Variants in EP400 observed in about 807,000 individuals in gnomAD.
The protein encoded by EP400 is E1A binding protein p400.
EP400 carries 105 observed loss-of-function variants against 354.1 expected under a neutral mutation model. The observed-to-expected ratio is 0.30, with a 90% CI of 0.25 to 0.35. EP400 has a LOEUF of 0.35. Among genes scored for constraint, EP400 ranks in the 10% least tolerant of loss-of-function variants. EP400 has a pLI of 1.00. For missense variants in EP400, 3,280 were observed against 4,121.0 expected, an observed-to-expected ratio of 0.80 and a Z score of 5.59; for synonymous variants, 1,646 against 1,716.9, an observed-to-expected ratio of 0.96 and a Z score of 1.02.
rs755716195 is a variant in EP400, at chr12:131,986,609, C to T, written c.2025C>T (p.Gly675=). Residue 675 remains glycine (G), a synonymous_variant, in exon 6 of 53, where the codon GGC becomes GGT. Transcript: ENST00000389561. Reference sequence around the variant, plus strand: ...CCTCGTCCCTCGCGCCTGTGAGTGGCTCCGGCCCAGGACCCTCCCCTGCTC... The same window carrying T: ...CCTCGTCCCTCGCGCCTGTGAGTGGTTCCGGCCCAGGACCCTCCCCTGCTC... The part of the protein sequence containing the change: ...SSTSSLAPVS[G]SGPGPSPARS... The T allele has an allele frequency of 5.0e-6, 8 of 1,614,074 alleles. No individual in the cohort carries two copies. Among genetic ancestry groups the T allele is most frequent in the East Asian group, 2.2e-5 (1 of 44,876 alleles).
chr12:131,965,421 T>C (rs1892042840), intron 2 of EP400, among the ~76,000 whole-genome samples: 1 of 152,242 alleles, frequency 6.6e-6, no homozygotes. Context: ...ACTCCATCAT[T>C]CTGTCTACAT....
Position 131,990,227 on chromosome 12 carries a change from T to C in EP400, c.2550+123T>C, listed in dbSNP as rs577832411. The C allele has an allele frequency of 4.3e-6, 5 of 1,157,510 alleles. No individual in the cohort carries two copies. Among genetic ancestry groups the C allele is most frequent in the Admixed American group, 2.4e-5 (1 of 42,472 alleles). 71.7% of individuals were successfully genotyped at this position (1,157,510 alleles called of 1,614,324 possible). ...CTTTCGAGCACCAGAGTCAGCAACG[T>C]GTGCACTCTCCTGGGCTGTTGCTTG... On this transcript the variant is annotated intron_variant, in intron 8 of 52. Transcript: ENST00000389561. The surrounding 1 kb of genome is among the most constrained non-coding windows in gnomAD (Gnocchi z 4.2).
chr12:131,989,887 T>A (rs1892973685), intron 7 of EP400, 77 bp from the exon 8 acceptor site: 1 of 1,550,166 alleles, frequency 6.5e-7, no homozygotes, highest in South Asian at 1.2e-5. Context: ...TGAGAAGATT[T>A]AAAAAAAGTT....
chr12:132,020,073 C>T lies in EP400; in HGVS notation c.4302C>T (p.Gly1434=), dbSNP rs1210958538. The T allele has an allele frequency of 6.3e-7, 1 of 1,586,692 alleles. No individual in the cohort carries two copies. Among genetic ancestry groups the T allele is most frequent in the South Asian group, 1.1e-5 (1 of 87,132 alleles). Residue 1434 remains glycine, a synonymous_variant, in exon 22 of 53, where the codon GGC becomes GGT. Transcript: ENST00000389561. ...GGTTGTTTCAGCCTGTGCAGTATGG[C>T]CAGAAGCCCGAGGGTCGCACCGTGG... The part of the protein sequence containing the change: ...ASRLFQPVQY[G]QKPEGRTVAF...
chr12:131,994,617 G>A lies in EP400; in HGVS notation c.2738-250G>A, dbSNP rs376481931. On this transcript the variant is annotated intron_variant, in intron 11 of 52. Transcript: ENST00000389561. This position sits in a 1 kb window ranked among gnomAD's most constrained non-coding sequence, Gnocchi z 4.6. The stretch of plus-strand genomic sequence containing the variant: ...AAGGTAGGAGGGTTGACAGCATTCC[G>A]TATGTTGGCCTGAAGAAGGTCTGCC... Among the ~76,000 whole-genome samples, 1 of 152,124 alleles carries A rather than the reference G, an allele frequency of 6.6e-6. No homozygotes were observed. The highest frequency in any genetic ancestry group is 2.4e-5 in the African/African-American group (1 of 41,436).
intron 1 of EP400, among the ~76,000 whole-genome samples, chr12:131,955,619 C>T (rs1439095543): frequency 2.0e-5 from 3 of 151,376 alleles, no homozygotes; most frequent in Non-Finnish European, 2.9e-5. Context: ...AATTTTTTTT[C>T]TTAGTCCATT....
intron 6 of EP400, 93 bp downstream of exon 6, chr12:131,986,900 G>A (rs1398639470): frequency 2.4e-5 from 34 of 1,418,030 alleles, no homozygotes; most frequent in Non-Finnish European, 3.2e-5. Context: ...AAAACCGAAT[G>A]CCTGGTCAAT....
chr12:131,955,090 A>T (rs967453170), intron 1 of EP400, among the ~76,000 whole-genome samples: 1 of 152,218 alleles, frequency 6.6e-6, no homozygotes, highest in African/African-American at 2.4e-5. Flanking sequence ...AAAAATTTTT[A>T]AAGTTGTTTA....
At chr12:131,992,661 TG>T (rs1279044151) in intron 11 of EP400, among the ~76,000 whole-genome samples, 6 of 152,356 alleles carry the variant, frequency 3.9e-5, no homozygotes, top group African/African-American at 1.4e-4. Flanking sequence ...GCACTCAGTG[TG>T]TGAGCTGGGG....
At chr12:131,980,670 TGAG>T (rs1202474556) in intron 3 of EP400, among the ~76,000 whole-genome samples, 1 of 152,130 alleles carries the variant, frequency 6.6e-6, no homozygotes, top group African/African-American at 2.4e-5. Context: ...CTCAGCCTCC[TGAG>T]TAGCTGGGAC....
chr12:131,963,370 C>T (rs1891965884), intron 2 of EP400, among the ~76,000 whole-genome samples: 1 of 152,182 alleles, frequency 6.6e-6, no homozygotes, highest in South Asian at 2.1e-4. Context: ...GGTTGTTGTG[C>T]TATAAATCTG....
rs1896246758 is a variant in EP400, at chr12:132,076,608, CA to C, written c.9099+18del. ...CTTCCCAGCAGGTAGGACGCATAGA[CA>C]AAGTGGAAACCTCACATTTCCCAGG... On this transcript the variant is annotated intron_variant, in intron 52 of 52. Transcript: ENST00000389561. The C allele has an allele frequency of 6.3e-7, 1 of 1,599,716 alleles. No homozygotes were observed. Among genetic ancestry groups the C allele is most frequent in the Non-Finnish European group, 8.5e-7 (1 of 1,170,290 alleles).
intron 51 of EP400, among the ~76,000 whole-genome samples, chr12:132,073,428 G>GT (rs1896124683): frequency 7.1e-6 from 1 of 140,480 alleles, no homozygotes; most frequent in African/African-American, 3.0e-5. Flanking sequence ...AAATGCTGCT[G>GT]TTAGTGTGCG....
intron 45 of EP400, among the ~76,000 whole-genome samples, chr12:132,058,791 C>CT (rs58651614): frequency 0.14 from 18,902 of 138,980 alleles, 2,625 homozygotes; most frequent in African/African-American, 0.36. Flanking sequence ...CGATTTCTTC[C>CT]TTTTTTTTTT....
Position 132,045,724 on chromosome 12 carries a change from T to C in EP400, c.7027-3T>C, listed in dbSNP as rs940236735. 8 of 1,614,074 alleles carry C rather than the reference T, an allele frequency of 5.0e-6. No homozygotes were observed. Among genetic ancestry groups the C allele is most frequent in the Non-Finnish European group, 6.8e-6 (8 of 1,180,018 alleles). On this transcript the variant is annotated splice_polypyrimidine_tract_variant and splice_region_variant and intron_variant, in intron 38 of 52. Coordinates refer to ENST00000389561, the MANE Select transcript of EP400 (RefSeq NM_015409.5). ...CTGTTTTACCTGAAATCTCCTTCTC[T>C]AGGCTGTAAAGCAGTTACTGGAGCT...
intron 39 of EP400, among the ~76,000 whole-genome samples, chr12:132,046,200 G>A (rs150069044): frequency 3.9e-5 from 6 of 152,196 alleles, no homozygotes; most frequent in South Asian, 2.1e-4. Context: ...TTGCACTGCC[G>A]TTGTCATTTC....
chr12:132,049,335 C>CT (rs1677033233), intron 39 of EP400, among the ~76,000 whole-genome samples: 1 of 152,240 alleles, frequency 6.6e-6, no homozygotes, highest in Non-Finnish European at 1.5e-5. Flanking sequence ...CTTCCCTTTG[C>CT]TTACTCTTAG....
At chr12:132,043,166 G>T (rs1825368676) in intron 32 of EP400, 138 bp from the exon 33 acceptor site, 4 of 866,366 alleles carry the variant, frequency 4.6e-6, no homozygotes, top group Admixed American at 6.7e-5. Context: ...GGACCTCAGG[G>T]AAGGAGTGGA....
rs1241803822 is a variant in EP400, at chr12:132,029,173, G to A, written c.5382-528G>A. The A allele has an allele frequency of 6.3e-6, 1 of 158,192 alleles. No homozygotes were observed. Among genetic ancestry groups the A allele is most frequent in the Non-Finnish European group, 1.4e-5 (1 of 71,786 alleles). 9.8% of individuals were successfully genotyped at this position (158,192 alleles called of 1,614,324 possible). Reference sequence around the variant, plus strand: ...TCAGTTTGAATACAGCTGGGAGTGAGTCATAGTTGATGTCCATAGCAAGGG... The same window carrying A: ...TCAGTTTGAATACAGCTGGGAGTGAATCATAGTTGATGTCCATAGCAAGGG... On this transcript the variant is annotated intron_variant, in intron 27 of 52. Transcript: ENST00000389561. The surrounding 1 kb of genome is among the most constrained non-coding windows in gnomAD (Gnocchi z 4.7).
Sources: gnomAD v4.1 joint callset for allele counts (sites outside exome capture counted in the v4.1 genomes callset) on GRCh38, gnomAD v4.1.1 for gene constraint, Gnocchi (gnomAD v3.1) non-coding constraint, MANE v1.5 for transcripts, NCBI Gene and HGNC (gene_info 2026-07-23, HGNC 2026-07-21) for gene names.